The following FAM222B variants were observed in gnomAD, a reference collection of about 807,000 sequenced individuals.
FAM222B encodes protein FAM222B.
In FAM222B, 12 loss-of-function variants were observed where a neutral mutation model predicts 38.0. The observed-to-expected ratio is 0.32, with a 90% CI of 0.20 to 0.51. The LOEUF is 0.51. FAM222B is among the 20% of genes least tolerant of loss of function. The pLI, the probability that FAM222B is intolerant of heterozygous loss-of-function variation, is 0.97. For missense variants in FAM222B, 716 were observed against 754.2 expected (o/e 0.95, Z 0.59); for synonymous variants, 329 against 317.2 (o/e 1.04, Z -0.40).
At chr17:28,766,771 CACTGGATATG>C in intron 1 of FAM222B, 64 bp from the exon 2 acceptor site, 1 of 927,266 alleles carries the variant, frequency 1.1e-6, no homozygotes, top group Non-Finnish European at 1.7e-6. Context: ...AGAGTAGGAA[CACTGGATATG>C]ACTGGCGTGA....
chr17:28,847,871 G>T (rs1420299879), intron 1 of FAM222B, among the ~76,000 whole-genome samples: 1 of 150,780 alleles, frequency 6.6e-6, no homozygotes, highest in African/African-American at 2.4e-5. Flanking sequence ...CCGAGATAGC[G>T]CCACTGTACT....
intron 2 of FAM222B, chr17:28,762,030 C>T (rs547174019): frequency 2.6e-5 from 4 of 152,118 alleles, no homozygotes; most frequent in Non-Finnish European, 5.9e-5. Flanking sequence ...AGTACCAACT[C>T]TGAGGTTTTT....
At chr17:28,795,780 A>C (rs1597943857) in intron 1 of FAM222B, among the ~76,000 whole-genome samples, 1 of 152,320 alleles carries the variant, frequency 6.6e-6, no homozygotes, top group East Asian at 1.9e-4. Context: ...TTAGAAGAGA[A>C]TTTAAAACGC....
In FAM222B at chr17:28,810,913, A is replaced by T. The variant is rs8079997; in HGVS notation, c.-41+31769T>A. ...CTAATAAATCAATGCAAAGAAAAAA[A>T]TCACTAATCTAGCCAAAAGTGTAAG... is the stretch of plus-strand genomic sequence containing the variant. On this transcript the variant is annotated intron_variant, in intron 1 of 2. Coordinates refer to ENST00000581407, the MANE Select transcript of FAM222B (RefSeq NM_001077498.3). 8.9e-4 allele frequency among the ~76,000 whole-genome samples: 135 copies of T among 152,344 alleles called. 2 individuals are homozygous for T. The highest frequency in any genetic ancestry group is 3.1e-3 in the African/African-American group (129 of 41,580).
chr17:28,789,077 C>T (rs1269778846), intron 1 of FAM222B, among the ~76,000 whole-genome samples: 1 of 94,134 alleles, frequency 1.1e-5, no homozygotes, highest in Admixed American at 1.2e-4. Context: ...TCAAAGATAC[C>T]TCAAAAAAAA....
At position 28,759,461 on chromosome 17, in the gene FAM222B, A is replaced by T. The variant is rs780108619; in HGVS notation, c.498T>A (p.His166Gln). 2.1e-6 allele frequency: 3 copies of T among 1,414,506 alleles called. No individual in the cohort carries two copies. The highest frequency in any genetic ancestry group is 2.8e-6 in the Non-Finnish European group (3 of 1,061,754). The allele number at this position is 1,414,506 out of a possible 1,614,324, so 87.6% of individuals were successfully genotyped here. A position where few individuals can be genotyped will look rare whatever the true frequency, so the allele number is the denominator to read the frequency against. ...GGTGCTGCAGCGTCTGGGGAGGGGC[A>T]TGGGCCAGGGTCTGTGCATGCTGCA... ...QALQHAQTLA[H>Q]APPQTLQHPQ... The change falls in exon 3 of 3, where the codon CAT becomes CAA. Residue 166 changes from histidine to glutamine, a missense_variant. Coordinates refer to ENST00000581407, the MANE Select transcript of FAM222B (RefSeq NM_001077498.3). The surrounding 1 kb of genome is among the most constrained non-coding windows in gnomAD (Gnocchi z 4.8).
chr17:28,770,070 C>T (rs1286423555), intron 1 of FAM222B, among the ~76,000 whole-genome samples: 2 of 152,142 alleles, frequency 1.3e-5, no homozygotes, highest in Non-Finnish European at 2.9e-5. Context: ...AGGCACGTGG[C>T]CCTTCCTGTT....
intron 1 of FAM222B, among the ~76,000 whole-genome samples, chr17:28,824,291 C>G (rs2038363424): frequency 6.6e-6 from 1 of 151,790 alleles, no homozygotes; most frequent in Non-Finnish European, 1.5e-5. Flanking sequence ...CTCAAGCCAT[C>G]CTCCCACCTC....
chr17:28,818,493 A>G (rs1046476534), intron 1 of FAM222B, among the ~76,000 whole-genome samples: 11 of 151,264 alleles, frequency 7.3e-5, no homozygotes, highest in African/African-American at 2.7e-4. Flanking sequence ...GCGCCACTGC[A>G]CTCCAGCCTG....
intron 1 of FAM222B, among the ~76,000 whole-genome samples, chr17:28,813,655 T>C (rs1387449493): frequency 6.6e-6 from 1 of 151,670 alleles, no homozygotes; most frequent in Non-Finnish European, 1.5e-5. Context: ...GCCTCCCAAG[T>C]AGCTGGAGTA....
chr17:28,792,311 CAAAAAAA>C (rs71135853), intron 1 of FAM222B, among the ~76,000 whole-genome samples: 2 of 110,202 alleles, frequency 1.8e-5, no homozygotes, highest in Non-Finnish European at 3.5e-5. Flanking sequence ...GACTCTGTCT[CAAAAAAA>C]AAAAAAAAAA....
intron 1 of FAM222B, among the ~76,000 whole-genome samples, chr17:28,824,781 C>A (rs2038378271): frequency 6.6e-6 from 1 of 152,090 alleles, no homozygotes; most frequent in Admixed American, 6.6e-5. Context: ...TTCTACAACC[C>A]ATTTCTTTTT....
At chr17:28,792,943 G>A (rs1018200300) in intron 1 of FAM222B, among the ~76,000 whole-genome samples, 3 of 150,918 alleles carry the variant, frequency 2.0e-5, no homozygotes, top group African/African-American at 7.3e-5. Flanking sequence ...TTTAAGATAG[G>A]GTCTCACTCT....
exon 1 of FAM222B, chr17:28,854,962 CG>C: frequency 6.7e-7 from 1 of 1,492,622 alleles, no homozygotes; most frequent in Non-Finnish European, 8.9e-7. Flanking sequence ...CTCTCCTACT[CG>C]CTGGTTCGTC....
In FAM222B at chr17:28,796,084, G is replaced by A. The variant is rs144379868; in HGVS notation, c.-40-29377C>T. ...GCCTGGAAAAAGAAATAACTGCAGT[G>A]GAGTGAGGGTGTGAAATGTGTCATA... On this transcript the variant is annotated intron_variant, in intron 1 of 2. Coordinates refer to ENST00000581407, the MANE Select transcript of FAM222B (RefSeq NM_001077498.3). Among the ~76,000 whole-genome samples the A allele has an allele frequency of 1.7e-3, 253 of 152,278 alleles. 3 individuals carry two copies. Among genetic ancestry groups the A allele is most frequent in the Middle Eastern group, 6.8e-3 (2 of 294 alleles).
intron 1 of FAM222B, chr17:28,790,435 A>C (rs188808199): frequency 6.6e-6 from 1 of 152,332 alleles, no homozygotes. Flanking sequence ...CCTGTTGAAG[A>C]TATGTTACCT....
At chr17:28,785,512 T>TTGA (rs1046096182) in intron 1 of FAM222B, among the ~76,000 whole-genome samples, 25 of 152,124 alleles carry the variant, frequency 1.6e-4, no homozygotes, top group African/African-American at 4.3e-4. Flanking sequence ...AGCCGTGGTT[T>TTGA]TGATGATGAT....
intron 1 of FAM222B, among the ~76,000 whole-genome samples, chr17:28,838,064 G>A (rs1202743427): frequency 6.6e-6 from 1 of 151,898 alleles, no homozygotes; most frequent in African/African-American, 2.4e-5. Context: ...TCAGGAGTTC[G>A]AGACCAGACT....
chr17:28,800,721 T>C (rs2037176317), intron 1 of FAM222B, among the ~76,000 whole-genome samples: 2 of 152,094 alleles, frequency 1.3e-5, no homozygotes, highest in Non-Finnish European at 1.5e-5. Context: ...AATTGCACCA[T>C]ACCTCACTAA....
Sources: allele counts gnomAD v4.1 joint callset (sites outside exome capture counted in the v4.1 genomes callset), GRCh38; gene constraint gnomAD v4.1.1; non-coding constraint Gnocchi (gnomAD v3.1); transcripts MANE v1.5; gene names NCBI Gene and HGNC (gene_info 2026-07-23, HGNC 2026-07-21).